The following HNRNPC variants were observed in gnomAD, a reference collection of about 807,000 sequenced individuals.
The protein encoded by HNRNPC is heterogeneous nuclear ribonucleoprotein C, also known as heterogeneous nuclear ribonucleoproteins C1/C2.
HNRNPC carries 3 observed loss-of-function variants against 33.2 expected under a neutral mutation model. The ratio of observed to expected loss-of-function variants is 0.09; its 90% CI spans 0.04 to 0.23. The LOEUF (loss-of-function observed/expected upper bound fraction) is 0.23, where lower values mean the gene tolerates loss of function less well. HNRNPC is among the 10% of genes least tolerant of loss of function. The pLI is 1.00. For synonymous variants in HNRNPC, 121 were observed against 126.7 expected (o/e 0.96, Z 0.30); for missense variants, 143 against 366.7 (o/e 0.39, Z 4.98).
chr14:21,247,947 C>T (rs1309577236), intron 2 of HNRNPC, among the ~76,000 whole-genome samples: 1 of 151,748 alleles, frequency 6.6e-6, no homozygotes. Context: ...GCCGAGATCA[C>T]GCCACTGCAC....
rs149862499 is a variant in HNRNPC at position 21,252,059 on chromosome 14, T to C, written c.-37+11252A>G. Among the ~76,000 whole-genome samples, 534 of 152,222 alleles carry C rather than the reference T, an allele frequency of 3.5e-3. 2 individuals carry two copies. Among genetic ancestry groups the C allele is most frequent in the African/African-American group, 0.012 (484 of 41,530 alleles). The stretch of plus-strand genomic sequence containing the variant: ...CCAAAACAGGAGATTATATCTAAAT[T>C]TGAGAATAGTAAAAGGTTTGATTTT... On this transcript the variant is annotated intron_variant, in intron 2 of 8. Coordinates refer to ENST00000553300, the MANE Select transcript of HNRNPC (RefSeq NM_004500.4).
chr14:21,236,047 C>A (rs1894661407), intron 2 of HNRNPC, among the ~76,000 whole-genome samples: 1 of 152,044 alleles, frequency 6.6e-6, no homozygotes. Context: ...TTTCACAAGT[C>A]TGAGTACATA....
At position 21,241,560 on chromosome 14, in the gene HNRNPC, C is replaced by G. The variant is rs1041983483; in HGVS notation, c.-36-7331G>C. On this transcript the variant is annotated intron_variant, in intron 2 of 8. Coordinates refer to ENST00000553300, the MANE Select transcript of HNRNPC (RefSeq NM_004500.4). ...CATACTTGGATGATCTTCATTTGATCTAAGTTGTTGAACACACTTCAAGTC... is the reference window on the plus strand; with the variant it reads ...CATACTTGGATGATCTTCATTTGATGTAAGTTGTTGAACACACTTCAAGTC... 2.0e-5 allele frequency among the ~76,000 whole-genome samples: 3 copies of G among 152,158 alleles called. No individual in the cohort carries two copies. In the South Asian group the frequency reaches 6.2e-4, roughly 31 times the overall value.
At chr14:21,239,369 A>G (rs35213935) in intron 2 of HNRNPC, among the ~76,000 whole-genome samples, 24,197 of 151,850 alleles carry the variant, frequency 0.16, 2,201 homozygotes, top group Admixed American at 0.24. Flanking sequence ...AGTCCCAGCT[A>G]TTCGGGAGGC....
intron 5 of HNRNPC, among the ~76,000 whole-genome samples, chr14:21,220,055 C>T (rs1892649085): frequency 6.6e-6 from 1 of 152,212 alleles, no homozygotes; most frequent in Admixed American, 6.5e-5. Context: ...CTCTGAACAG[C>T]CACCCATTAT....
chr14:21,265,880 A>G (rs1465180203), intron 1 of HNRNPC, among the ~76,000 whole-genome samples: 6 of 152,182 alleles, frequency 3.9e-5, no homozygotes, highest in Middle Eastern at 3.2e-3. Flanking sequence ...CCCTTCTTCT[A>G]AAGGGGCACC....
At chr14:21,223,025 C>T (rs1031465139) in intron 5 of HNRNPC, among the ~76,000 whole-genome samples, 3 of 151,948 alleles carry the variant, frequency 2.0e-5, no homozygotes, top group Non-Finnish European at 2.9e-5. Flanking sequence ...ACGGTGAAGC[C>T]CCATCTCTAC....
At chr14:21,258,741 T>C (rs574358368) in intron 2 of HNRNPC, among the ~76,000 whole-genome samples, 1 of 152,328 alleles carries the variant, frequency 6.6e-6, no homozygotes, top group South Asian at 2.1e-4. Context: ...TCAGAAATAA[T>C]TAGTAATTTC....
chr14:21,239,569 T>C (rs370584267), intron 2 of HNRNPC, among the ~76,000 whole-genome samples: 5 of 151,934 alleles, frequency 3.3e-5, no homozygotes, highest in South Asian at 2.1e-4. Context: ...ATGAAAAGGA[T>C]AGACTTTAAA....
At position 21,213,070 on chromosome 14, in the gene HNRNPC, C is replaced by A; in HGVS notation, c.413G>T (p.Arg138Leu). Reference protein sequence around the residue: ...ARVPPPPPIARAVVPSKRQRV... With the variant: ...ARVPPPPPIALAVVPSKRQRV... ...CTGACGTTTCGAGGGCACTACAGCCCGAGCAATAGGAGGAGGAGGAGGTAC... is the reference window on the plus strand; with the variant it reads ...CTGACGTTTCGAGGGCACTACAGCCAGAGCAATAGGAGGAGGAGGAGGTAC... Residue 138 changes from arginine to leucine, a missense_variant, in exon 6 of 9, where the codon CGG becomes CTG. Around this residue, in one of 2 missense-constraint regions of HNRNPC, gnomAD observed 131 missense variants for 253.0 expected, o/e 0.52. Coordinates refer to ENST00000553300, the MANE Select transcript of HNRNPC (RefSeq NM_004500.4). 1 of 1,613,966 alleles carries A rather than the reference C, an allele frequency of 6.2e-7. No homozygotes were observed. The highest frequency in any genetic ancestry group is 8.5e-7 in the Non-Finnish European group (1 of 1,179,936).
intron 2 of HNRNPC, 78 bp downstream of exon 2, chr14:21,263,231 AAT>A (rs1467549305): frequency 2.0e-5 from 3 of 152,540 alleles, no homozygotes; most frequent in Non-Finnish European, 4.4e-5. Context: ...AATAATAAGT[AAT>A]AGTAACTAGT....
chr14:21,244,798 T>C (rs1895774957), intron 2 of HNRNPC, among the ~76,000 whole-genome samples: 1 of 152,094 alleles, frequency 6.6e-6, no homozygotes, highest in African/African-American at 2.4e-5. Flanking sequence ...CAAACCTGCA[T>C]AGCATGCACA....
intron 2 of HNRNPC, among the ~76,000 whole-genome samples, chr14:21,246,378 T>A (rs1196268384): frequency 6.6e-6 from 1 of 151,984 alleles, no homozygotes; most frequent in Non-Finnish European, 1.5e-5. Flanking sequence ...GCTAACATGG[T>A]GAAACTCCGT....
intron 5 of HNRNPC, among the ~76,000 whole-genome samples, chr14:21,223,769 A>C (rs925459272): frequency 6.6e-6 from 1 of 152,126 alleles, no homozygotes; most frequent in African/African-American, 2.4e-5. Context: ...AACAAACAAA[A>C]AAGACTAATA....
intron 5 of HNRNPC, among the ~76,000 whole-genome samples, chr14:21,220,480 C>G (rs569616410): frequency 1.3e-5 from 2 of 152,164 alleles, no homozygotes; most frequent in Non-Finnish European, 2.9e-5. Flanking sequence ...CCGCTCGCCT[C>G]GGCCTCCCAA....
In HNRNPC at chr14:21,231,157, CAT is replaced by C; in HGVS notation, c.242-87_242-86del. On this transcript the variant is annotated intron_variant, in intron 3 of 8. Transcript: ENST00000553300. ...AAGTTTATTTTTTTTATTTTTGAGA[CAT>C]AGTTTCGCTTTCTCGCTCAGGCTGG... is the stretch of plus-strand genomic sequence containing the variant. The C allele has an allele frequency of 3.7e-6, 5 of 1,345,074 alleles. No homozygotes were observed. In the Admixed American group the frequency reaches 5.9e-5, roughly 16 times the overall value. 83.3% of individuals were successfully genotyped at this position (1,345,074 alleles called of 1,614,324 possible). A position where few individuals can be genotyped will look rare whatever the true frequency, so the allele number is the denominator to read the frequency against.
Position 21,226,889 on chromosome 14 carries a change from A to AAAG in HNRNPC, c.365+3429_365+3430insCTT, listed in dbSNP as rs1374897963. The stretch of plus-strand genomic sequence containing the variant: ...AAAAGACTCCATCTCAAAAAAAAAA[A>AAAG]AAAAAAGGGGGGGGGGGGACAGTGA... On this transcript the variant is annotated intron_variant, in intron 5 of 8. Transcript: ENST00000553300. Among the ~76,000 whole-genome samples, 821 of 89,680 alleles carry AAAG rather than the reference A, an allele frequency of 9.2e-3. 24 individuals are homozygous for AAAG. The highest frequency in any genetic ancestry group is 0.026 in the South Asian group (52 of 2,008). The allele number at this position is 89,680 out of a possible 152,430, so 58.8% of individuals were successfully genotyped here.
At chr14:21,212,389 C>A (rs1373793801) in intron 6 of HNRNPC, among the ~76,000 whole-genome samples, 1 of 152,130 alleles carries the variant, frequency 6.6e-6, no homozygotes, top group Non-Finnish European at 1.5e-5. Context: ...ATACTGAACA[C>A]TGTCTGAATT....
intron 2 of HNRNPC, chr14:21,236,521 T>C (rs1894712216): frequency 6.6e-6 from 1 of 152,178 alleles, no homozygotes; most frequent in Non-Finnish European, 1.5e-5. Flanking sequence ...TTACTAACCA[T>C]GTGCTGAGTA....
Sources: gnomAD v4.1 joint callset for allele counts (sites outside exome capture counted in the v4.1 genomes callset) on GRCh38, gnomAD v4.1.1 for gene constraint, gnomAD v4.1.1 regional missense constraint, MANE v1.5 for transcripts, NCBI Gene and HGNC (gene_info 2026-07-23, HGNC 2026-07-21) for gene names.